NOMO1: variants seen among roughly 807,000 people sequenced by gnomAD.
NOMO1 encodes NODAL modulator 1.
NOMO1 carries 40 observed loss-of-function variants against 133.8 expected under a neutral mutation model. The observed-to-expected ratio is 0.30, with a 90% CI of 0.23 to 0.39. The LOEUF is 0.39. Among genes scored for constraint, NOMO1 ranks in the 10% least tolerant of loss-of-function variants. NOMO1 has a pLI of 1.00. For synonymous variants in NOMO1, 236 were observed against 570.5 expected (o/e 0.41, Z 8.36); for missense variants, 462 against 1,419.9 (o/e 0.33, Z 10.84).
Position 14,856,362 on chromosome 16 carries a change from C to T in NOMO1, c.964-855C>T, listed in dbSNP as rs1402872213. On this transcript the variant is annotated intron_variant, in intron 9 of 30. Transcript: ENST00000287667. ...TGGGGCACAGACACAGACACAGACA[C>T]ATGGAGCATGGGACCACGTGTGAGC... 2.0e-5 allele frequency among the ~76,000 whole-genome samples: 3 copies of T among 152,110 alleles called. No homozygotes were observed. The East Asian group carries it at 5.8e-4, about 29-fold the overall frequency.
At position 14,884,031 on chromosome 16, in the gene NOMO1, C is replaced by T. The variant is rs1396546044; in HGVS notation, c.3112-341C>T. The stretch of plus-strand genomic sequence containing the variant: ...ATGTGTCTATGGGCCAGGGACATGC[C>T]CCTGCTCTAACAGGCAAGAGCATCC... On this transcript the variant is annotated intron_variant, in intron 26 of 30. Transcript: ENST00000287667. Among the ~76,000 whole-genome samples the T allele has an allele frequency of 6.6e-5, 9 of 136,558 alleles. No homozygotes were observed. In the East Asian group the frequency reaches 1.9e-3, roughly 29 times the overall value. 89.6% of individuals were successfully genotyped at this position (136,558 alleles called of 152,430 possible).
chr16:14,885,583 C>T (rs890309101), intron 27 of NOMO1, among the ~76,000 whole-genome samples: 1 of 151,498 alleles, frequency 6.6e-6, no homozygotes, highest in Non-Finnish European at 1.5e-5. Flanking sequence ...CGCTTTAGTC[C>T]ACTCTGTTCA....
intron 22 of NOMO1, among the ~76,000 whole-genome samples, chr16:14,877,044 A>C (rs1271266484): frequency 9.7e-6 from 1 of 103,598 alleles, no homozygotes; most frequent in African/African-American, 3.2e-5. Context: ...TCGAGTTTTT[A>C]TAGGTTGGTG....
chr16:14,894,714 G>A (rs1189038198), intron 29 of NOMO1, among the ~76,000 whole-genome samples: 1 of 62,240 alleles, frequency 1.6e-5, no homozygotes, highest in Non-Finnish European at 4.4e-5. Flanking sequence ...TTCCTCAGTT[G>A]GGAGGAGGGT....
Position 14,875,264 on chromosome 16 carries a change from C to G in NOMO1, c.2273+10C>G, listed in dbSNP as rs769191220. The G allele has an allele frequency of 5.6e-6, 9 of 1,610,878 alleles. No individual in the cohort carries two copies. The African/African-American group carries it at 1.1e-4, about 19-fold the overall frequency. ...TCTCTTACTGGGCGCGGTAAGCTCTCTTGTGCGTTTCCCTACAGTGTCCTC... is the reference window on the plus strand; with the variant it reads ...TCTCTTACTGGGCGCGGTAAGCTCTGTTGTGCGTTTCCCTACAGTGTCCTC... On this transcript the variant is annotated intron_variant, in intron 19 of 30. Transcript: ENST00000287667.
chr16:14,838,509 T>C lies in NOMO1; in HGVS notation c.255+13T>C, dbSNP rs1339442291. On this transcript the variant is annotated intron_variant, in intron 2 of 30. Transcript: ENST00000287667. ...TTTGTATGATAAGGTAAGAGGGGAC[T>C]GCTTGTCACTTATGATGGGAAATCA... 1.2e-6 allele frequency: 2 copies of C among 1,611,810 alleles called. No homozygotes were observed. The highest frequency in any genetic ancestry group is 4.5e-5 in the East Asian group (2 of 44,834).
At chr16:14,860,021 G>T (rs1391997230) in intron 11 of NOMO1, among the ~76,000 whole-genome samples, 1 of 151,992 alleles carries the variant, frequency 6.6e-6, no homozygotes, top group African/African-American at 2.4e-5. Flanking sequence ...GGGCCTTGTA[G>T]CCTTGCTTTG....
chr16:14,885,647 G>T (rs1201809429), intron 27 of NOMO1, among the ~76,000 whole-genome samples: 1 of 151,064 alleles, frequency 6.6e-6, no homozygotes, highest in Non-Finnish European at 1.5e-5. Context: ...AGAGAGTGCA[G>T]AGGGTTGGGT....
At chr16:14,877,756 AT>A (rs892511015) in intron 22 of NOMO1, among the ~76,000 whole-genome samples, 4 of 146,810 alleles carry the variant, frequency 2.7e-5, no homozygotes, top group African/African-American at 1.0e-4. Context: ...GACAATCTCT[AT>A]TTTTTGGTAA....
chr16:14,856,497 C>T (rs926231050), intron 9 of NOMO1, among the ~76,000 whole-genome samples: 3 of 151,558 alleles, frequency 2.0e-5, no homozygotes, highest in Non-Finnish European at 4.4e-5. Context: ...CTGCAACCTC[C>T]GCATCCCGAG....
At chr16:14,867,165 TATATATATA>T (rs1964011145) in intron 15 of NOMO1, among the ~76,000 whole-genome samples, 11 of 23,592 alleles carry the variant, frequency 4.7e-4, no homozygotes, top group African/African-American at 6.6e-4. Flanking sequence ...TATATATATA[TATATATATA>T]TATTTTTTTT....
Position 14,854,339 on chromosome 16 carries a change from T to A in NOMO1, c.963+313T>A, listed in dbSNP as rs1385127617. The stretch of plus-strand genomic sequence containing the variant: ...CTTGTCCCTGTGGACCTCATTTTTT[T>A]TTTTTTTTTTTTTAAGATAGGGTCT... On this transcript the variant is annotated intron_variant, in intron 9 of 30. Coordinates refer to ENST00000287667, the MANE Select transcript of NOMO1 (RefSeq NM_014287.4). Among the ~76,000 whole-genome samples, 10 of 138,756 alleles carry A rather than the reference T, an allele frequency of 7.2e-5. No individual in the cohort carries two copies. The Admixed American group carries it at 7.3e-4, about 10-fold the overall frequency. 91.0% of individuals were successfully genotyped at this position (138,756 alleles called of 152,430 possible).
intron 4 of NOMO1, among the ~76,000 whole-genome samples, chr16:14,845,812 TTTTTTA>T (rs1041593783): frequency 1.5e-4 from 23 of 150,832 alleles, no homozygotes; most frequent in Non-Finnish European, 5.9e-5. Flanking sequence ...TGGTGAATCT[TTTTTTA>T]TTTTTATTTT....
intron 6 of NOMO1, among the ~76,000 whole-genome samples, chr16:14,850,916 T>C (rs1202375050): frequency 2.0e-5 from 3 of 151,034 alleles, no homozygotes; most frequent in Admixed American, 2.0e-4. Context: ...ACCGCATCTC[T>C]ACTAAAAATA....
chr16:14,859,733 C>A (rs1193260286), intron 11 of NOMO1, among the ~76,000 whole-genome samples: 1 of 151,998 alleles, frequency 6.6e-6, no homozygotes, highest in Non-Finnish European at 1.5e-5. Context: ...AATAAAATAA[C>A]AAGATTTTAA....
chr16:14,848,094 C>T lies in NOMO1; in HGVS notation c.510-805C>T, dbSNP rs550642987. ...AGTAATGTGATTTCCAAGCCCTATCCAGTTATTGCAGGCAAGATTTGACAC... is the reference window on the plus strand; with the variant it reads ...AGTAATGTGATTTCCAAGCCCTATCTAGTTATTGCAGGCAAGATTTGACAC... On this transcript the variant is annotated intron_variant, in intron 5 of 30. Transcript: ENST00000287667. 1.1e-3 allele frequency among the ~76,000 whole-genome samples: 164 copies of T among 152,180 alleles called. 3 individuals carry two copies. Among genetic ancestry groups the T allele is most frequent in the African/African-American group, 3.9e-3 (162 of 41,434 alleles).
At chr16:14,862,989 G>T (rs1267753232) in intron 11 of NOMO1, 24 bp from the exon 12 acceptor site, 1 of 1,609,958 alleles carries the variant, frequency 6.2e-7, no homozygotes, top group Non-Finnish European at 8.5e-7. Flanking sequence ...CCTCGTGCTG[G>T]AATGAATGGT....
Position 14,882,652 on chromosome 16 carries a change from C to T in NOMO1, c.3086C>T (p.Ala1029Val), listed in dbSNP as rs201532916. Residue 1029 changes from alanine to valine, a missense_variant, in exon 26 of 31, where the codon GCG becomes GTG. Transcript: ENST00000287667. Reference sequence around the variant, plus strand: ...GAAGGCAACGACCACATTGAGCGGGCGCTCCCCCACCATAGGGTGATTGAG... The same window carrying T: ...GAAGGCAACGACCACATTGAGCGGGTGCTCCCCCACCATAGGGTGATTGAG... ...KAEGNDHIER[A>V]LPHHRVIEVG... is the part of the protein sequence containing the mutation. 140 of 1,611,618 alleles carry T rather than the reference C, an allele frequency of 8.7e-5. 1 individual carries two copies. The highest frequency in any genetic ancestry group is 2.3e-4 in the Middle Eastern group (1 of 4,428).
chr16:14,858,720 A>C (rs1963879775), intron 11 of NOMO1, among the ~76,000 whole-genome samples: 1 of 152,084 alleles, frequency 6.6e-6, no homozygotes, highest in African/African-American at 2.4e-5. Flanking sequence ...CCAACGGGCC[A>C]TGAGTGGTTT....
Sources: gnomAD v4.1 joint callset for allele counts (sites outside exome capture counted in the v4.1 genomes callset) on GRCh38, gnomAD v4.1.1 for gene constraint, MANE v1.5 for transcripts, NCBI Gene and HGNC (gene_info 2026-07-23, HGNC 2026-07-21) for gene names.